Variants in CNTN5 observed in about 807,000 individuals in gnomAD.
CNTN5 encodes contactin 5, also known as contactin-5.
CNTN5 carries 77 observed loss-of-function variants against 129.1 expected under a neutral mutation model. The ratio of observed to expected loss-of-function variants is 0.60; its 90% CI spans 0.50 to 0.72. The LOEUF is 0.72. CNTN5 is among the 30% of genes least tolerant of loss of function. CNTN5 has a pLI of 0.00. For missense variants in CNTN5, 1,478 were observed against 1,328.8 expected (o/e 1.11, Z -1.75); for synonymous variants, 509 against 465.6 (o/e 1.09, Z -1.20).
intron 6 of CNTN5, among the ~76,000 whole-genome samples, chr11:99,878,292 ACTT>A (rs774005624): frequency 6.6e-6 from 1 of 152,024 alleles, no homozygotes; most frequent in African/African-American, 2.4e-5. Context: ...CTTTTACACT[ACTT>A]CTTCTGTGTG....
At chr11:99,153,501 T>G (rs1483951081) in intron 1 of CNTN5, among the ~76,000 whole-genome samples, 1 of 152,046 alleles carries the variant, frequency 6.6e-6, no homozygotes, top group African/African-American at 2.4e-5. Flanking sequence ...TTTTTTTTTT[T>G]TTCTTAAAAT....
At chr11:99,612,510 C>T (rs956331782) in intron 3 of CNTN5, among the ~76,000 whole-genome samples, 3 of 152,122 alleles carry the variant, frequency 2.0e-5, no homozygotes, top group African/African-American at 7.2e-5. Flanking sequence ...GTATATTGAA[C>T]ATCTATTATA....
At chr11:99,537,447 C>T (rs999833690) in intron 2 of CNTN5, among the ~76,000 whole-genome samples, 16 of 152,084 alleles carry the variant, frequency 1.1e-4, no homozygotes, top group Non-Finnish European at 2.4e-4. Flanking sequence ...TAACTAGATT[C>T]ACTGAAAAGG....
chr11:99,385,988 A>G (rs771003208), intron 2 of CNTN5, among the ~76,000 whole-genome samples: 3 of 152,228 alleles, frequency 2.0e-5, no homozygotes, highest in Admixed American at 6.6e-5. Flanking sequence ...TGGAGTCCTC[A>G]GTATATTTCC....
chr11:99,821,648 C>G (rs150318538), intron 4 of CNTN5, among the ~76,000 whole-genome samples: 36 of 151,844 alleles, frequency 2.4e-4, no homozygotes, highest in African/African-American at 8.7e-4. Context: ...CAGATGAAAC[C>G]CAAACAGAAA....
At chr11:100,110,540 C>T (rs939163521) in intron 13 of CNTN5, among the ~76,000 whole-genome samples, 15 of 151,522 alleles carry the variant, frequency 9.9e-5, no homozygotes, top group African/African-American at 2.9e-4. Flanking sequence ...TTATAAAATG[C>T]GCTAGAAGAG....
intron 8 of CNTN5, among the ~76,000 whole-genome samples, chr11:99,978,947 G>C (rs1039801793): frequency 6.6e-6 from 1 of 152,170 alleles, no homozygotes. Context: ...GAGAGCTTTT[G>C]AGGTAGGCTT....
At chr11:99,222,305 T>C (rs72998295) in intron 1 of CNTN5, among the ~76,000 whole-genome samples, 17,882 of 150,872 alleles carry the variant, frequency 0.12, 1,112 homozygotes, top group Middle Eastern at 0.15. Context: ...AAATACAATA[T>C]AAAAGGAAGG....
chr11:100,245,572 C>T (rs1409458550), intron 16 of CNTN5, among the ~76,000 whole-genome samples: 1 of 151,986 alleles, frequency 6.6e-6, no homozygotes, highest in Non-Finnish European at 1.5e-5. Flanking sequence ...AGGGAGTCAA[C>T]CACAAAGTCT....
chr11:99,234,935 A>C (rs1310208249), intron 1 of CNTN5, among the ~76,000 whole-genome samples: 1 of 152,142 alleles, frequency 6.6e-6, no homozygotes, highest in Non-Finnish European at 1.5e-5. Flanking sequence ...TGCATGGCAT[A>C]GTCTCTGATC....
At chr11:99,830,301 G>C (rs762567185) in intron 4 of CNTN5, among the ~76,000 whole-genome samples, 2 of 152,082 alleles carry the variant, frequency 1.3e-5, no homozygotes, top group African/African-American at 2.4e-5. Context: ...TAAACCCTCT[G>C]TGTCTACGCA....
intron 1 of CNTN5, among the ~76,000 whole-genome samples, chr11:99,266,401 C>A (rs1862891995): frequency 6.6e-6 from 1 of 151,968 alleles, no homozygotes; most frequent in African/African-American, 2.4e-5. Context: ...GAATTCAAGA[C>A]CAACCTAGAA....
At chr11:100,202,073 T>C (rs1428141557) in intron 15 of CNTN5, among the ~76,000 whole-genome samples, 1 of 152,016 alleles carries the variant, frequency 6.6e-6, no homozygotes, top group African/African-American at 2.4e-5. Flanking sequence ...AAATACGCTA[T>C]GGTATAGAAA....
intron 2 of CNTN5, among the ~76,000 whole-genome samples, chr11:99,448,601 C>A (rs1330292286): frequency 6.6e-6 from 1 of 151,438 alleles, no homozygotes; most frequent in Admixed American, 6.6e-5. Flanking sequence ...ACCCTAGGAA[C>A]CTGCATTTTT....
intron 3 of CNTN5, among the ~76,000 whole-genome samples, chr11:99,616,046 A>G (rs1950750237): frequency 6.6e-6 from 1 of 151,820 alleles, no homozygotes; most frequent in Non-Finnish European, 1.5e-5. Context: ...TAGATTTCAC[A>G]TGTTCTACAC....
intron 1 of CNTN5, among the ~76,000 whole-genome samples, chr11:99,238,075 T>G (rs1199598758): frequency 2.0e-5 from 3 of 152,186 alleles, no homozygotes; most frequent in African/African-American, 7.2e-5. Context: ...TCCTCTAAAG[T>G]AATTTGTATA....
chr11:99,596,444 A>G (rs575432449), intron 3 of CNTN5, among the ~76,000 whole-genome samples: 5 of 152,268 alleles, frequency 3.3e-5, no homozygotes, highest in Non-Finnish European at 5.9e-5. Flanking sequence ...TCTTATGTGA[A>G]TCTCTTATTT....
intron 18 of CNTN5, among the ~76,000 whole-genome samples, chr11:100,293,225 A>G (rs10791305): frequency 0.41 from 62,077 of 151,658 alleles, 14,768 homozygotes; most frequent in Non-Finnish European, 0.55. Flanking sequence ...GATAAATACC[A>G]TTCATTTTGT....
At chr11:99,479,770 A>G (rs1034691113) in intron 2 of CNTN5, among the ~76,000 whole-genome samples, 7 of 152,014 alleles carry the variant, frequency 4.6e-5, no homozygotes, top group African/African-American at 1.7e-4. Flanking sequence ...ATTAATTTTC[A>G]CCTCCAGCAA....
Sources: gnomAD v4.1 joint callset for allele counts (sites outside exome capture counted in the v4.1 genomes callset) on GRCh38, gnomAD v4.1.1 for gene constraint, MANE v1.5 for transcripts, NCBI Gene and HGNC (gene_info 2026-07-23, HGNC 2026-07-21) for gene names.